Variants in CCSER1 observed in about 807,000 individuals in gnomAD.
CCSER1 encodes the protein serine-rich coiled-coil domain-containing protein 1.
Under a neutral mutation model 82.0 loss-of-function variants are expected in CCSER1, and 41 were observed. The ratio of observed to expected loss-of-function variants is 0.50; its 90% confidence interval spans 0.39 to 0.65. CCSER1 has a LOEUF of 0.65. Ranked by LOEUF, CCSER1 falls within the 30% of genes least tolerant of loss-of-function variation. The probability of loss-of-function intolerance (pLI) is 0.00; values close to 1 mark genes in which losing one functional copy is unlikely to be tolerated. For synonymous variants in CCSER1, 414 were observed against 383.9 expected, an observed-to-expected ratio of 1.08 and a Z score of -0.92; for missense variants, 1,119 against 1,064.2, an observed-to-expected ratio of 1.05 and a Z score of -0.72.
At chr4:90,636,395 C>T (rs2148958554) in intron 6 of CCSER1, among the ~76,000 whole-genome samples, 1 of 150,842 alleles carries the variant, frequency 6.6e-6, no homozygotes, top group African/African-American at 2.4e-5. Context: ...CCAACATATG[C>T]CTATTAAAAA....
chr4:90,235,926 T>C (rs1198012740), intron 1 of CCSER1, among the ~76,000 whole-genome samples: 2 of 152,154 alleles, frequency 1.3e-5, no homozygotes, highest in Non-Finnish European at 2.9e-5. Flanking sequence ...AAGCTCTATT[T>C]ACTAAAAACA....
intron 6 of CCSER1, among the ~76,000 whole-genome samples, chr4:90,691,683 GTA>G (rs1560952262): frequency 7.1e-6 from 1 of 140,120 alleles, no homozygotes; most frequent in South Asian, 2.3e-4. Context: ...GTATCTATGT[GTA>G]TATATATACA....
chr4:90,271,860 A>ATT lies in CCSER1; in HGVS notation c.-41-36383_-41-36382insTT, dbSNP rs1272251694. Among the ~76,000 whole-genome samples the ATT allele has an allele frequency of 1.7e-3, 37 of 22,254 alleles. 1 individual carries two copies. Among genetic ancestry groups the ATT allele is most frequent in the Non-Finnish European group, 2.2e-3 (35 of 15,640 alleles). The allele number at this position is 22,254 out of a possible 152,430, so 14.6% of individuals were successfully genotyped here. Reference sequence around the variant, plus strand: ...TATATATATATATATATATATATATATATTTTTTTTTTTTTTTTTTTTTTT... The same window carrying ATT: ...TATATATATATATATATATATATATATTTATTTTTTTTTTTTTTTTTTTTTTT... On this transcript the variant is annotated intron_variant, in intron 1 of 10. Coordinates refer to ENST00000509176, the MANE Select transcript of CCSER1 (RefSeq NM_001145065.2).
intron 10 of CCSER1, among the ~76,000 whole-genome samples, chr4:91,427,047 A>G (rs1754023888): frequency 6.6e-6 from 1 of 152,158 alleles, no homozygotes; most frequent in African/African-American, 2.4e-5. Context: ...AATGGTATTC[A>G]ACTCTAGCAG....
chr4:90,171,782 C>T (rs776696917), intron 1 of CCSER1, among the ~76,000 whole-genome samples: 19 of 151,840 alleles, frequency 1.3e-4, no homozygotes, highest in Non-Finnish European at 2.2e-4. Flanking sequence ...TATGTTCCAG[C>T]ACCCACTTAA....
At chr4:91,273,021 G>A (rs1560558269) in intron 10 of CCSER1, among the ~76,000 whole-genome samples, 1 of 152,052 alleles carries the variant, frequency 6.6e-6, no homozygotes, top group Non-Finnish European at 1.5e-5. Flanking sequence ...TTTGAAATCG[G>A]GTAATGTGAT....
At chr4:90,991,902 T>C (rs1581275354) in intron 9 of CCSER1, among the ~76,000 whole-genome samples, 1 of 152,082 alleles carries the variant, frequency 6.6e-6, no homozygotes, top group South Asian at 2.1e-4. Flanking sequence ...CTTTGGATGT[T>C]ACTACCATTG....
chr4:90,293,151 A>T (rs1215134243), intron 1 of CCSER1, among the ~76,000 whole-genome samples: 1 of 151,830 alleles, frequency 6.6e-6, no homozygotes, highest in Non-Finnish European at 1.5e-5. Flanking sequence ...TATGTTTTCT[A>T]CAAAGCAGTA....
intron 10 of CCSER1, among the ~76,000 whole-genome samples, chr4:91,098,958 C>T (rs1468627773): frequency 6.6e-6 from 1 of 152,142 alleles, no homozygotes; most frequent in Non-Finnish European, 1.5e-5. Context: ...TCATTAAGCA[C>T]TATTGTTCCC....
rs553371636 is a variant in CCSER1 at position 90,238,626 on chromosome 4, G to T, written c.-41-69618G>T. On this transcript the variant is annotated intron_variant, in intron 1 of 10. Coordinates refer to ENST00000509176, the MANE Select transcript of CCSER1 (RefSeq NM_001145065.2). ...TTGAATGTGACTTTTTTCTGCCGTG[G>T]GTACCTATCACTTCCTTCTCACACC... Among the ~76,000 whole-genome samples, 16 of 152,074 alleles carry T rather than the reference G, an allele frequency of 1.1e-4. No homozygotes were observed. The South Asian group carries it at 2.5e-3, about 24-fold the overall frequency.
At chr4:90,817,971 C>CTATAA (rs1294423714) in intron 8 of CCSER1, among the ~76,000 whole-genome samples, 1 of 152,092 alleles carries the variant, frequency 6.6e-6, no homozygotes, top group Non-Finnish European at 1.5e-5. Flanking sequence ...TTATACCCTA[C>CTATAA]TATATACTAC....
At chr4:91,597,327 C>G (rs920174371) in intron 10 of CCSER1, among the ~76,000 whole-genome samples, 1 of 152,038 alleles carries the variant, frequency 6.6e-6, no homozygotes, top group Non-Finnish European at 1.5e-5. Flanking sequence ...TGTATTATCT[C>G]AAACTTTATT....
chr4:90,907,986 C>T (rs940698333), intron 8 of CCSER1, among the ~76,000 whole-genome samples: 12 of 152,028 alleles, frequency 7.9e-5, no homozygotes, highest in African/African-American at 2.4e-4. Flanking sequence ...TCTCATCCAC[C>T]CAATTCTTCA....
At chr4:91,410,477 T>C (rs1023027349) in intron 10 of CCSER1, among the ~76,000 whole-genome samples, 4 of 152,180 alleles carry the variant, frequency 2.6e-5, no homozygotes, top group African/African-American at 9.6e-5. Context: ...TCATGAAAGA[T>C]GTACTGAGCA....
chr4:90,271,890 TAAAAGGAGG>T (rs1560920542), intron 1 of CCSER1, among the ~76,000 whole-genome samples: 628 of 69,414 alleles, frequency 9.0e-3, no homozygotes, highest in South Asian at 0.013. Context: ...TTTTTTTTTT[TAAAAGGAGG>T]TTTAATTGAC....
At chr4:90,375,115 A>C (rs1453822433) in intron 3 of CCSER1, among the ~76,000 whole-genome samples, 1 of 152,198 alleles carries the variant, frequency 6.6e-6, no homozygotes, top group African/African-American at 2.4e-5. Context: ...GGCCTGGTTT[A>C]TCTACCCTCT....
chr4:90,956,744 A>G (rs77601706), intron 9 of CCSER1, among the ~76,000 whole-genome samples: 2,168 of 150,146 alleles, frequency 0.014, 50 homozygotes, highest in African/African-American at 0.05. Flanking sequence ...TCCATCTGAT[A>G]TTCTTTTCTT....
chr4:90,675,370 AT>A lies in CCSER1; in HGVS notation c.1932+47139del, dbSNP rs923838685. 4.0e-4 allele frequency among the ~76,000 whole-genome samples: 61 copies of A among 151,938 alleles called. 1 individual carries two copies. Among genetic ancestry groups the A allele is most frequent in the African/African-American group, 1.3e-3 (52 of 41,408 alleles). ...TGCTTTGTAAGGATGCAAGAAAAAAATATTCTATATTACTATATGTCTAGTA... is the reference window on the plus strand; with the variant it reads ...TGCTTTGTAAGGATGCAAGAAAAAAAATTCTATATTACTATATGTCTAGTA... On this transcript the variant is annotated intron_variant, in intron 6 of 10. Transcript: ENST00000509176.
chr4:91,597,123 C>T (rs112284879), intron 10 of CCSER1, among the ~76,000 whole-genome samples: 94 of 151,966 alleles, frequency 6.2e-4, no homozygotes, highest in African/African-American at 2.2e-3. Flanking sequence ...TGGAAATACT[C>T]GAGGAAGAAG....
Sources: allele counts gnomAD v4.1 joint callset (sites outside exome capture counted in the v4.1 genomes callset), GRCh38; gene constraint gnomAD v4.1.1; transcripts MANE v1.5; gene names NCBI Gene and HGNC (gene_info 2026-07-23, HGNC 2026-07-21).